The following SCD5 variants were observed in gnomAD, a reference collection of about 807,000 sequenced individuals.
The protein encoded by SCD5 is acyl-CoA-desaturase 4.
Under a neutral mutation model 30.4 loss-of-function variants are expected in SCD5, and 20 were observed. The ratio of observed to expected loss-of-function variants is 0.66; its 90% CI spans 0.46 to 0.96. The LOEUF (loss-of-function observed/expected upper bound fraction) is 0.96. Ranked by LOEUF, SCD5 falls within the 40% of genes least tolerant of loss-of-function variation. The pLI is 0.00. For missense variants in SCD5, 381 were observed against 443.3 expected (o/e 0.86, Z 1.26); for synonymous variants, 173 against 176.4 (o/e 0.98, Z 0.16).
intron 1 of SCD5, among the ~76,000 whole-genome samples, chr4:82,763,039 C>T (rs1179966240): frequency 3.9e-5 from 6 of 152,146 alleles, no homozygotes; most frequent in African/African-American, 1.4e-4. Context: ...GCCTGCTGCC[C>T]AATAATTACA....
At chr4:82,723,245 T>G (rs1049410192) in intron 1 of SCD5, among the ~76,000 whole-genome samples, 3 of 152,168 alleles carry the variant, frequency 2.0e-5, no homozygotes, top group African/African-American at 7.2e-5. Flanking sequence ...CTTTGTGATG[T>G]CTTGTTTGTG....
At chr4:82,647,658 A>ATT (rs1268665144) in intron 3 of SCD5, among the ~76,000 whole-genome samples, 3 of 152,164 alleles carry the variant, frequency 2.0e-5, no homozygotes. Context: ...TCAGCTCAAG[A>ATT]TTGATTTGCT....
intron 2 of SCD5, among the ~76,000 whole-genome samples, chr4:82,682,311 A>C (rs1330668017): frequency 6.6e-6 from 1 of 152,198 alleles, no homozygotes; most frequent in African/African-American, 2.4e-5. Flanking sequence ...TCAGGGGCCA[A>C]GAATTGATGG....
chr4:82,686,074 T>C (rs1728697429), intron 2 of SCD5, among the ~76,000 whole-genome samples: 1 of 152,022 alleles, frequency 6.6e-6, no homozygotes, highest in African/African-American at 2.4e-5. Flanking sequence ...GGTGTGATTA[T>C]GGCTCACTAC....
intron 3 of SCD5, chr4:82,660,115 GAGCT>G (rs1405203993): frequency 1.3e-5 from 2 of 152,116 alleles, no homozygotes; most frequent in African/African-American, 4.8e-5. Context: ...GCAGCAAGAA[GAGCT>G]AACTATCCTA....
intron 1 of SCD5, among the ~76,000 whole-genome samples, chr4:82,740,208 C>A (rs12646587): frequency 6.6e-6 from 1 of 152,112 alleles, no homozygotes; most frequent in East Asian, 1.9e-4. Context: ...AGAGCGGAGA[C>A]ATGGAGGAAA....
chr4:82,685,478 C>T (rs888854100), intron 2 of SCD5, among the ~76,000 whole-genome samples: 3 of 151,952 alleles, frequency 2.0e-5, no homozygotes, highest in African/African-American at 4.8e-5. Context: ...TTTGAGAGGC[C>T]GAGGTGGGCG....
At chr4:82,661,714 T>C (rs1340105784) in intron 3 of SCD5, among the ~76,000 whole-genome samples, 2 of 152,244 alleles carry the variant, frequency 1.3e-5, no homozygotes, top group Non-Finnish European at 2.9e-5. Context: ...ACTCTCTTTC[T>C]AGCCCAGCAT....
At position 82,648,235 on chromosome 4, in the gene SCD5, C is replaced by T. The variant is rs530713110; in HGVS notation, c.570-11412G>A. On this transcript the variant is annotated intron_variant, in intron 3 of 4. Coordinates refer to ENST00000319540, the MANE Select transcript of SCD5 (RefSeq NM_001037582.3). ...GGGGGAAGAATGTCTCACCAGCTCC[C>T]ACCTTTCATCCCAGCCCCTCCACCA... Among the ~76,000 whole-genome samples the T allele has an allele frequency of 6.6e-5, 10 of 152,360 alleles. No individual in the cohort carries two copies. The South Asian group carries it at 1.9e-3, about 28-fold the overall frequency.
At chr4:82,697,870 C>T (rs904116854) in intron 2 of SCD5, among the ~76,000 whole-genome samples, 5 of 152,226 alleles carry the variant, frequency 3.3e-5, no homozygotes, top group Non-Finnish European at 7.3e-5. Flanking sequence ...AATGACAATG[C>T]TTTAATGAAT....
chr4:82,739,458 G>C (rs1190994945), intron 1 of SCD5, among the ~76,000 whole-genome samples: 1 of 152,266 alleles, frequency 6.6e-6, no homozygotes. Flanking sequence ...GGTGCCAGCA[G>C]TGTGGGTGCA....
chr4:82,709,506 G>T lies in SCD5; in HGVS notation c.233-4093C>A, dbSNP rs73829968. Reference sequence around the variant, plus strand: ...AAAAAGTGGATAATTTAGTTTGGGGGGCCAAAGAAGGCTTTGCAGAAGAAA... The same window carrying T: ...AAAAAGTGGATAATTTAGTTTGGGGTGCCAAAGAAGGCTTTGCAGAAGAAA... On this transcript the variant is annotated intron_variant, in intron 1 of 4. Coordinates refer to ENST00000319540, the MANE Select transcript of SCD5 (RefSeq NM_001037582.3). Among the ~76,000 whole-genome samples, 602 of 152,246 alleles carry T rather than the reference G, an allele frequency of 4.0e-3. 6 individuals carry two copies. Among genetic ancestry groups the T allele is most frequent in the African/African-American group, 0.014 (573 of 41,552 alleles).
At chr4:82,694,685 A>G (rs761042775) in intron 2 of SCD5, among the ~76,000 whole-genome samples, 15 of 152,332 alleles carry the variant, frequency 9.8e-5, no homozygotes, top group Non-Finnish European at 1.6e-4. Flanking sequence ...AAAGAAAATC[A>G]TAAGAAGAGA....
intron 2 of SCD5, among the ~76,000 whole-genome samples, chr4:82,696,714 AT>A (rs1466895174): frequency 3.3e-5 from 5 of 152,342 alleles, no homozygotes; most frequent in Non-Finnish European, 7.3e-5. Flanking sequence ...ATGCAATATA[AT>A]CAGTGGGTTG....
chr4:82,721,792 T>C (rs1336974182), intron 1 of SCD5, among the ~76,000 whole-genome samples: 5 of 152,176 alleles, frequency 3.3e-5, no homozygotes, highest in Non-Finnish European at 7.3e-5. Context: ...AGCCACCCCA[T>C]CCGTAGTACA....
chr4:82,753,335 C>T (rs763316658), intron 1 of SCD5: 3 of 531,972 alleles, frequency 5.6e-6, no homozygotes, highest in South Asian at 1.4e-5. Flanking sequence ...TGTGTATGGC[C>T]AGAGTTGAGT....
At chr4:82,773,282 T>A (rs1197008204) in intron 1 of SCD5, among the ~76,000 whole-genome samples, 4 of 152,162 alleles carry the variant, frequency 2.6e-5, no homozygotes, top group Non-Finnish European at 5.9e-5. Flanking sequence ...CAACAAGGAT[T>A]ATATTGTTCA....
intron 1 of SCD5, among the ~76,000 whole-genome samples, chr4:82,796,511 TG>T (rs1055502700): frequency 2.0e-5 from 3 of 152,088 alleles, no homozygotes; most frequent in Non-Finnish European, 4.4e-5. Flanking sequence ...AGAGGTGACC[TG>T]GCAAACTTGG....
At chr4:82,691,059 C>G (rs1253103018) in intron 2 of SCD5, among the ~76,000 whole-genome samples, 1 of 152,072 alleles carries the variant, frequency 6.6e-6, no homozygotes, top group Non-Finnish European at 1.5e-5. Flanking sequence ...GAGTCTCACT[C>G]TTGTCATCCA....
Sources: gnomAD v4.1 joint callset for allele counts (sites outside exome capture counted in the v4.1 genomes callset) on GRCh38, gnomAD v4.1.1 for gene constraint, MANE v1.5 for transcripts, NCBI Gene and HGNC (gene_info 2026-07-23, HGNC 2026-07-21) for gene names.